The following XKR6 variants were observed in gnomAD, a reference collection of about 807,000 sequenced individuals.
XKR6 encodes the protein XK-related protein 6.
In XKR6, 22 loss-of-function variants were observed where a neutral mutation model predicts 56.7. The ratio of observed to expected loss-of-function variants is 0.39; its 90% CI spans 0.28 to 0.55. XKR6 has a LOEUF of 0.55. Ranked by LOEUF, XKR6 falls within the 20% of genes least tolerant of loss-of-function variation. The probability of loss-of-function intolerance (pLI) is 0.66; values close to 1 mark genes in which losing one functional copy is unlikely to be tolerated. For synonymous variants in XKR6, 524 were observed against 387.8 expected, an observed-to-expected ratio of 1.35 and a Z score of -4.13; for missense variants, 852 against 889.0, an observed-to-expected ratio of 0.96 and a Z score of 0.53.
chr8:11,015,174 C>A (rs955959733), intron 1 of XKR6, among the ~76,000 whole-genome samples: 4 of 148,320 alleles, frequency 2.7e-5, no homozygotes, highest in Non-Finnish European at 4.4e-5. Context: ...CGTGTTCACT[C>A]GGGAAATGCT....
At chr8:10,921,796 TACAGAGTGGGGA>T (rs1209034674) in intron 2 of XKR6, among the ~76,000 whole-genome samples, 1 of 152,188 alleles carries the variant, frequency 6.6e-6, no homozygotes, top group East Asian at 1.9e-4. Context: ...GCCCTGGTGG[TACAGAGTGGGGA>T]AGATTTGAAA....
chr8:11,082,137 C>G (rs2129170133), intron 1 of XKR6, among the ~76,000 whole-genome samples: 1 of 152,316 alleles, frequency 6.6e-6, no homozygotes, highest in African/African-American at 2.4e-5. Flanking sequence ...GGAGCTGTGA[C>G]CTGGGCAGAG....
chr8:11,055,358 T>C (rs921208057), intron 1 of XKR6, among the ~76,000 whole-genome samples: 1 of 152,162 alleles, frequency 6.6e-6, no homozygotes, highest in Non-Finnish European at 1.5e-5. Flanking sequence ...GGATTTTCAC[T>C]AAAATCCTGA....
Position 11,017,882 on chromosome 8 carries a change from G to T in XKR6, c.765-93052C>A, listed in dbSNP as rs142928005. On this transcript the variant is annotated intron_variant, in intron 1 of 2. Transcript: ENST00000416569. The stretch of plus-strand genomic sequence containing the variant: ...GATCCTGAGATGACAGTGGGTGCTG[G>T]GGTGTAGCTTGTGCTCAGAGAGGAG... Among the ~76,000 whole-genome samples the T allele has an allele frequency of 1.0e-3, 156 of 152,294 alleles. 1 individual carries two copies. The highest frequency in any genetic ancestry group is 2.1e-3 in the Non-Finnish European group (140 of 68,014).
At chr8:11,008,209 T>C (rs1306339551) in intron 1 of XKR6, among the ~76,000 whole-genome samples, 1 of 152,136 alleles carries the variant, frequency 6.6e-6, no homozygotes, top group Non-Finnish European at 1.5e-5. Context: ...TCTCTCTAGC[T>C]TGTCTTCCCC....
chr8:11,086,306 C>A (rs1026796335), intron 1 of XKR6, among the ~76,000 whole-genome samples: 2 of 152,072 alleles, frequency 1.3e-5, no homozygotes, highest in African/African-American at 2.4e-5. Context: ...CTTGGCCTGA[C>A]CTGCAGGACA....
At chr8:11,051,589 C>T (rs1799549530) in intron 1 of XKR6, among the ~76,000 whole-genome samples, 1 of 152,150 alleles carries the variant, frequency 6.6e-6, no homozygotes, top group African/African-American at 2.4e-5. Flanking sequence ...TTCCTCACGC[C>T]CCATGCCTGA....
intron 1 of XKR6, among the ~76,000 whole-genome samples, chr8:11,020,736 A>G (rs558831340): frequency 2.6e-5 from 4 of 152,258 alleles, no homozygotes; most frequent in Non-Finnish European, 4.4e-5. Flanking sequence ...TTTTCCTAAT[A>G]TGAGGGTCTA....
chr8:11,086,927 G>T (rs1048080826), intron 1 of XKR6, among the ~76,000 whole-genome samples: 11 of 152,244 alleles, frequency 7.2e-5, no homozygotes, highest in African/African-American at 2.7e-4. Flanking sequence ...GCAGGGATCA[G>T]TCCCACCTTC....
chr8:11,162,695 AT>A (rs1801874669), intron 1 of XKR6, among the ~76,000 whole-genome samples: 1 of 152,218 alleles, frequency 6.6e-6, no homozygotes, highest in Non-Finnish European at 1.5e-5. Context: ...ATTTTTAAAC[AT>A]TCTTACAAAA....
intron 1 of XKR6, among the ~76,000 whole-genome samples, chr8:10,996,974 A>T (rs1042883410): frequency 2.0e-5 from 3 of 152,148 alleles, no homozygotes; most frequent in Non-Finnish European, 2.9e-5. Flanking sequence ...GCGTTTATTT[A>T]AAAAATAAAA....
intron 1 of XKR6, among the ~76,000 whole-genome samples, chr8:11,004,851 A>G (rs1798329105): frequency 6.6e-6 from 1 of 152,250 alleles, no homozygotes; most frequent in Non-Finnish European, 1.5e-5. Context: ...AACATTATTC[A>G]GCCTTAAAAA....
At chr8:10,985,370 C>T (rs1005959902) in intron 1 of XKR6, among the ~76,000 whole-genome samples, 2 of 152,210 alleles carry the variant, frequency 1.3e-5, no homozygotes, top group African/African-American at 2.4e-5. Flanking sequence ...CACCCCTTTG[C>T]TCTTTCTTCC....
At chr8:11,008,286 T>A (rs926510358) in intron 1 of XKR6, among the ~76,000 whole-genome samples, 3 of 152,056 alleles carry the variant, frequency 2.0e-5, no homozygotes, top group African/African-American at 7.2e-5. Flanking sequence ...GGCCCAAGGG[T>A]GGCCTGAGCA....
chr8:11,068,110 C>T (rs932344177), intron 1 of XKR6, among the ~76,000 whole-genome samples: 1 of 152,212 alleles, frequency 6.6e-6, no homozygotes, highest in Non-Finnish European at 1.5e-5. Context: ...TAGGGAAAAA[C>T]TCACCTTCAA....
At chr8:11,007,024 G>A (rs931290811) in intron 1 of XKR6, among the ~76,000 whole-genome samples, 10 of 152,188 alleles carry the variant, frequency 6.6e-5, no homozygotes, top group Non-Finnish European at 5.9e-5. Flanking sequence ...GACCCCAAGA[G>A]GAACCCTACC....
intron 1 of XKR6, among the ~76,000 whole-genome samples, chr8:10,943,128 T>C (rs1801434527): frequency 6.6e-6 from 1 of 152,198 alleles, no homozygotes; most frequent in African/African-American, 2.4e-5. Context: ...TAGTGGCTGC[T>C]TCCTGGGATC....
intron 2 of XKR6, 152 bp downstream of exon 2, chr8:10,924,482 C>G: frequency 1.1e-6 from 1 of 878,874 alleles, no homozygotes; most frequent in Non-Finnish European, 1.7e-6. Flanking sequence ...TGGGCCCCGT[C>G]AGCACTGCAC....
intron 1 of XKR6, among the ~76,000 whole-genome samples, chr8:11,072,811 A>G (rs953966582): frequency 1.3e-5 from 2 of 150,664 alleles, no homozygotes; most frequent in African/African-American, 2.5e-5. Flanking sequence ...AGCACTTTGG[A>G]GACCAAGGCG....
Sources: allele counts gnomAD v4.1 joint callset (sites outside exome capture counted in the v4.1 genomes callset), GRCh38; gene constraint gnomAD v4.1.1; transcripts MANE v1.5; gene names NCBI Gene and HGNC (gene_info 2026-07-23, HGNC 2026-07-21).